The following DUOX1 variants were observed in gnomAD, a reference collection of about 807,000 sequenced individuals.
DUOX1 encodes dual oxidase 1.
In DUOX1, 134 loss-of-function variants were observed where a neutral mutation model predicts 181.8. The observed-to-expected ratio is 0.74, with a 90% CI of 0.64 to 0.85. The LOEUF (loss-of-function observed/expected upper bound fraction) is 0.85. Ranked by LOEUF, DUOX1 falls within the 40% of genes least tolerant of loss-of-function variation. The pLI is 0.00. For synonymous variants in DUOX1, 798 were observed against 832.5 expected (o/e 0.96, Z 0.71); for missense variants, 1,814 against 2,064.4 (o/e 0.88, Z 2.35).
At chr15:45,160,772 T>C in intron 28 of DUOX1, 65 bp from the exon 29 acceptor site, 4 of 1,541,070 alleles carry the variant, frequency 2.6e-6, no homozygotes, top group Non-Finnish European at 3.5e-6. Context: ...GTCTAAGGCC[T>C]GAGCTGGCCC....
Position 45,147,932 on chromosome 15 carries a change from G to T in DUOX1, c.2577G>T (p.Met859Ile). The change falls in exon 20 of 34, where the codon ATG becomes ATT. Residue 859 changes from methionine (M) to isoleucine (I), a missense_variant. Met to Ile is a conservative substitution (Grantham distance 10). Transcript: ENST00000389037. ...KGSPEEKSRLMFRMYDFDGNG... is the reference protein window; with the variant it reads ...KGSPEEKSRLIFRMYDFDGNG... The stretch of plus-strand genomic sequence containing the variant: ...CTCCTGAGGAAAAGTCTCGCCTTAT[G>T]TTCCGCATGTACGACTTTGATGGGA... 6.2e-7 allele frequency: 1 copy of T among 1,614,214 alleles called. No homozygotes were observed. Among genetic ancestry groups the T allele is most frequent in the Non-Finnish European group, 8.5e-7 (1 of 1,180,014 alleles).
chr15:45,138,448 T>C (rs1168733562), intron 10 of DUOX1, among the ~76,000 whole-genome samples: 1 of 152,104 alleles, frequency 6.6e-6, no homozygotes, highest in Non-Finnish European at 1.5e-5. Flanking sequence ...TGAATGCGTA[T>C]GTGTGAGGGG....
intron 2 of DUOX1, 62 bp downstream of exon 2, chr15:45,132,086 C>A: frequency 6.9e-7 from 1 of 1,447,188 alleles, no homozygotes; most frequent in Non-Finnish European, 9.4e-7. Context: ...CCTCTGGGCT[C>A]CCCCAAGGAC....
intron 4 of DUOX1, among the ~76,000 whole-genome samples, chr15:45,134,585 TG>T (rs1303984730): frequency 6.6e-6 from 1 of 151,688 alleles, no homozygotes; most frequent in African/African-American, 2.4e-5. Flanking sequence ...GGGTTGTTGG[TG>T]GGGGTAAGGG....
chr15:45,154,117 C>G, intron 27 of DUOX1, 117 bp downstream of exon 27: 1 of 948,386 alleles, frequency 1.1e-6, no homozygotes, highest in South Asian at 1.4e-5. Context: ...GTGACCCAGG[C>G]TCTGTCCTCT....
At chr15:45,133,780 C>A in intron 2 of DUOX1, 84 bp from the exon 3 acceptor site, 2 of 1,187,996 alleles carry the variant, frequency 1.7e-6, no homozygotes, top group Non-Finnish European at 2.4e-6. Flanking sequence ...AAGTGCCAGG[C>A]TCACAGCACC....
At chr15:45,151,793 C>A (rs983815734) in intron 23 of DUOX1, 81 bp from the exon 24 acceptor site, 18 of 1,429,932 alleles carry the variant, frequency 1.3e-5, no homozygotes, top group Middle Eastern at 1.9e-4. Flanking sequence ...CACTTCTGGG[C>A]GGCTCACCTC....
chr15:45,163,597 G>A lies in DUOX1; in HGVS notation c.4314G>A (p.Glu1438=). 1 of 1,614,192 alleles carries A rather than the reference G, an allele frequency of 6.2e-7. No homozygotes were observed. Among genetic ancestry groups the A allele is most frequent in the Middle Eastern group, 1.6e-4 (1 of 6,062 alleles). The change falls in exon 32 of 34, where the codon GAG becomes GAA. Residue 1438 remains glutamate (E), a synonymous_variant. Coordinates refer to ENST00000389037, the MANE Select transcript of DUOX1 (RefSeq NM_175940.3). ...AGTGGCTGGCTGACATCATCCGAGA[G>A]GTGGAGGAGAATGACCACCAGGACC... ...QFEWLADIIR[E]VEENDHQDLV...
chr15:45,135,272 C>T lies in DUOX1; in HGVS notation c.476C>T (p.Pro159Leu). The change falls in exon 5 of 34, where the codon CCC becomes CTC. Residue 159 changes from proline to leucine, a missense_variant. By Grantham distance (98) the Pro-to-Leu change is moderately conservative. Transcript: ENST00000389037. ...SRWDPETGRSPSNPRDPANQV... is the reference protein window; with the variant it reads ...SRWDPETGRSLSNPRDPANQV... ...TGGGACCCCGAGACCGGACGGAGTC[C>T]CAGCAATCCCCGGGACCCGGTGAGG... 1.9e-6 allele frequency: 3 copies of T among 1,611,394 alleles called. No homozygotes were observed. The highest frequency in any genetic ancestry group is 2.5e-6 in the Non-Finnish European group (3 of 1,179,254).
intron 28 of DUOX1, among the ~76,000 whole-genome samples, chr15:45,159,530 G>C (rs745547986): frequency 8.5e-5 from 13 of 152,198 alleles, no homozygotes; most frequent in Non-Finnish European, 1.6e-4. Context: ...CTAAGGAGAG[G>C]TGGACGCAGA....
At position 45,141,046 on chromosome 15, in the gene DUOX1, A is replaced by G. The variant is rs776875111; in HGVS notation, c.1541A>G (p.Tyr514Cys). The G allele has an allele frequency of 1.2e-6, 2 of 1,614,202 alleles. No individual in the cohort carries two copies. Among genetic ancestry groups the G allele is most frequent in the South Asian group, 1.1e-5 (1 of 91,078 alleles). Residue 514 changes from tyrosine to cysteine, a missense_variant, in exon 13 of 34, where the codon TAC (tyrosine) becomes TGC (cysteine). By Grantham distance (194) the Tyr-to-Cys change is radical. This residue lies in a region of DUOX1 where 1,064 missense variants were observed against 1,152.9 expected (regional missense o/e 0.92). Transcript: ENST00000389037. Reference protein sequence around the residue: ...QFVRLRDGDRYWFENTRNGLF... With the variant: ...QFVRLRDGDRCWFENTRNGLF... ...GTGCGGCTACGGGATGGTGACCGCT[A>G]CTGGTTTGAGAACACCAGGAATGGG...
chr15:45,161,651 A>G (rs1225760304), intron 29 of DUOX1, 87 bp from the exon 30 acceptor site: 6 of 1,192,592 alleles, frequency 5.0e-6, no homozygotes, highest in Non-Finnish European at 7.3e-6. Context: ...CCAGAAGCAG[A>G]GCTGAGGCTG....
rs1567023130 is a variant in DUOX1, at chr15:45,163,888, C to T, written c.4503C>T (p.Phe1501=). 1.2e-6 allele frequency: 2 copies of T among 1,614,040 alleles called. No homozygotes were observed. The highest frequency in any genetic ancestry group is 1.3e-5 in the African/African-American group (1 of 74,922). Residue 1501 remains phenylalanine, a synonymous_variant, in exon 33 of 34, where the codon TTC becomes TTT. Coordinates refer to ENST00000389037, the MANE Select transcript of DUOX1 (RefSeq NM_175940.3). ...THFGRPPFEP[F]FNSLQEVHPQ... is the part of the protein sequence containing the mutation. ...TTGGCCGTCCCCCCTTTGAGCCCTT[C>T]TTCAACTCCCTGCAGGAGGTCCACC...
chr15:45,150,826 C>A (rs1896781999), intron 22 of DUOX1, 125 bp downstream of exon 22: 2 of 927,192 alleles, frequency 2.2e-6, no homozygotes, highest in East Asian at 2.6e-5. Flanking sequence ...GAAAAGGACA[C>A]CCCTTTCTCT....
chr15:45,155,461 G>C (rs1331202178), intron 27 of DUOX1: 1 of 243,704 alleles, frequency 4.1e-6, no homozygotes, highest in East Asian at 1.1e-4. Flanking sequence ...AGCTACTCAG[G>C]AGGCCGAGGC....
In DUOX1 at chr15:45,156,001, G is replaced by A. The variant is rs1034845614; in HGVS notation, c.3702+72G>A. ...CATTTCCAGGGAGGCAAGGAGAGCT[G>A]GGACATTCATTCAATTTCTAGCTAT... On this transcript the variant is annotated intron_variant, in intron 28 of 33. Coordinates refer to ENST00000389037, the MANE Select transcript of DUOX1 (RefSeq NM_175940.3). 4.7e-5 allele frequency: 75 copies of A among 1,582,460 alleles called. 1 individual carries two copies. Among genetic ancestry groups the A allele is most frequent in the Middle Eastern group, 3.4e-4 (2 of 5,964 alleles).
In DUOX1 at chr15:45,136,523, C is replaced by G; in HGVS notation, c.926-6C>G. 2 of 1,614,108 alleles carry G rather than the reference C, an allele frequency of 1.2e-6. No individual in the cohort carries two copies. Among genetic ancestry groups the G allele is most frequent in the Non-Finnish European group, 1.7e-6 (2 of 1,179,994 alleles). On this transcript the variant is annotated splice_region_variant and splice_polypyrimidine_tract_variant and intron_variant, in intron 8 of 33. Coordinates refer to ENST00000389037, the MANE Select transcript of DUOX1 (RefSeq NM_175940.3). ...TCTTCTGTCCTCTCTTCTCCTATTTCCCCAGGATACCGGCCATTTCTGGAC... is the reference window on the plus strand; with the variant it reads ...TCTTCTGTCCTCTCTTCTCCTATTTGCCCAGGATACCGGCCATTTCTGGAC...
At chr15:45,133,421 T>C (rs548715625) in intron 2 of DUOX1, among the ~76,000 whole-genome samples, 5 of 152,294 alleles carry the variant, frequency 3.3e-5, no homozygotes, top group Non-Finnish European at 7.4e-5. Context: ...CAGAATGACA[T>C]GTCCTTCTCC....
At chr15:45,142,360 G>C (rs562879176) in intron 15 of DUOX1, among the ~76,000 whole-genome samples, 1 of 152,176 alleles carries the variant, frequency 6.6e-6, no homozygotes, top group Non-Finnish European at 1.5e-5. Flanking sequence ...CAGGAGCCAG[G>C]GGGAATCTAT....
Sources: gnomAD v4.1 joint callset for allele counts (sites outside exome capture counted in the v4.1 genomes callset) on GRCh38, gnomAD v4.1.1 for gene constraint, gnomAD v4.1.1 regional missense constraint, MANE v1.5 for transcripts, NCBI Gene and HGNC (gene_info 2026-07-23, HGNC 2026-07-21) for gene names.